The following TIGD2 variants were observed in gnomAD, a reference collection of about 807,000 sequenced individuals.
The protein encoded by TIGD2 is tigger transposable element-derived protein 2.
A neutral mutation model predicts 27.0 loss-of-function variants in TIGD2; 14 were observed. The observed-to-expected ratio is 0.52, with a 90% CI of 0.34 to 0.81. The LOEUF (loss-of-function observed/expected upper bound fraction) is 0.81. Ranked by LOEUF, TIGD2 falls within the 30% of genes least tolerant of loss-of-function variation. TIGD2 has a pLI of 0.01. For synonymous variants in TIGD2, 201 were observed against 209.0 expected, an observed-to-expected ratio of 0.96 and a Z score of 0.33; for missense variants, 590 against 617.3, an observed-to-expected ratio of 0.96 and a Z score of 0.47.
chr4:89,114,285 T>A lies in TIGD2; in HGVS notation c.1311T>A (p.Ser437Arg). 2 of 1,614,102 alleles carry A rather than the reference T, an allele frequency of 1.2e-6. No homozygotes were observed. The highest frequency in any genetic ancestry group is 1.7e-6 in the Non-Finnish European group (2 of 1,180,030). ...NIDQWFDSRS[S>R]DSSCQVLTDS... ...ATCAGTGGTTCGACTCTCGGAGCAG[T>A]GACTCAAGCTGTCAGGTGCTGACTG... The change falls in exon 2 of 2, where the codon AGT becomes AGA. Residue 437 changes from serine to arginine, a missense_variant. By Grantham distance (110) the Ser-to-Arg change is moderately radical. Around this residue, in one of 3 missense-constraint regions of TIGD2, gnomAD observed 451 missense variants for 448.0 expected, o/e 1.01. Transcript: ENST00000603357.
rs1489554344 is a variant in TIGD2, at chr4:89,111,822, C to T, written c.-970C>T. On this transcript the variant is annotated 5_prime_UTR_variant, in exon 1 of 2. Transcript: ENST00000603357. ...AGGAAAGACGTCCCGCGCTCTGAAG[C>T]TCGCCCAGCGGGGAGAGGCCCTCGC... 6.6e-6 allele frequency: 1 copy of T among 152,244 alleles called. No homozygotes were observed. The highest frequency in any genetic ancestry group is 1.5e-5 in the Non-Finnish European group (1 of 68,048). The allele number at this position is 152,244 out of a possible 1,614,324, so 9.4% of individuals were successfully genotyped here.
rs1721174179 is a variant in TIGD2, at chr4:89,114,417, A to C, written c.1443A>C (p.Ala481=). ...AGAAGCATATTAGCCATAAAGCGGC[A>C]CTTGAATGGACTGAAAATTTACTGG... ...NPEKHISHKA[A]LEWTENLLDY... is the part of the protein sequence containing the mutation. Residue 481 remains alanine (A), a synonymous_variant, in exon 2 of 2, where the codon GCA becomes GCC. Coordinates refer to ENST00000603357, the MANE Select transcript of TIGD2 (RefSeq NM_145715.3). The C allele has an allele frequency of 6.2e-7, 1 of 1,614,058 alleles. No homozygotes were observed. The highest frequency in any genetic ancestry group is 1.3e-5 in the African/African-American group (1 of 74,934).
rs1461354037 is a variant in TIGD2, at chr4:89,112,074, A to G, written c.-901A>G. On this transcript the variant is annotated 5_prime_UTR_variant, in exon 2 of 2. Transcript: ENST00000603357. Reference sequence around the variant, plus strand: ...TTTGGTATTTTCCTTTAGGTTTCGGAGCCTCCGAGTATCTCTACAGCCCCC... The same window carrying G: ...TTTGGTATTTTCCTTTAGGTTTCGGGGCCTCCGAGTATCTCTACAGCCCCC... The G allele has an allele frequency of 1.3e-5, 2 of 152,156 alleles. No homozygotes were observed. The highest frequency in any genetic ancestry group is 1.5e-5 in the Non-Finnish European group (1 of 68,042). The allele number at this position is 152,156 out of a possible 1,614,324, so 9.4% of individuals were successfully genotyped here. A position where few individuals can be genotyped will look rare whatever the true frequency, so the allele number is the denominator to read the frequency against.
In TIGD2 at chr4:89,114,513, A is replaced by G; in HGVS notation, c.1539A>G (p.Ile513Met). 1 of 1,589,630 alleles carries G rather than the reference A, an allele frequency of 6.3e-7. No homozygotes were observed. The highest frequency in any genetic ancestry group is 8.6e-7 in the Non-Finnish European group (1 of 1,165,236). ...KLVLRRLRTI[I>M]RKKQKIQNNK... ...TATTAAGGAGGCTTCGGACCATAAT[A>G]AGAAAAAAACAGAAGATCCAAAATA... Residue 513 changes from isoleucine to methionine, a missense_variant, in exon 2 of 2, where the codon ATA becomes ATG. Ile to Met is a conservative substitution (Grantham distance 10). Coordinates refer to ENST00000603357, the MANE Select transcript of TIGD2 (RefSeq NM_145715.3).
At chr4:89,111,366 C>T, upstream of TIGD2, 1 of 341,862 alleles carries the variant, frequency 2.9e-6, no homozygotes, top group Non-Finnish European at 4.1e-6. Context: ...CCGAAACGGC[C>T]AGGCGGTGAG....
In TIGD2 at chr4:89,111,731, T is replaced by C. The variant is rs1721081430; in HGVS notation, c.-1061T>C. On this transcript the variant is annotated 5_prime_UTR_variant, in exon 1 of 2. Transcript: ENST00000603357. ...CTGTGCCAAGCGGCCGCCCGCTGGC[T>C]GGCTGGCTGCAGCAGTGACATCCTG... is the stretch of plus-strand genomic sequence containing the variant. The C allele has an allele frequency of 6.6e-6, 1 of 152,228 alleles. No homozygotes were observed. Among genetic ancestry groups the C allele is most frequent in the Non-Finnish European group, 1.5e-5 (1 of 68,050 alleles). The allele number at this position is 152,228 out of a possible 1,614,324, so 9.4% of individuals were successfully genotyped here.
chr4:89,114,472 C>G lies in TIGD2; in HGVS notation c.1498C>G (p.Leu500Val). 6.2e-7 allele frequency: 1 copy of G among 1,613,506 alleles called. No homozygotes were observed. Among genetic ancestry groups the G allele is most frequent in the Middle Eastern group, 1.6e-4 (1 of 6,062 alleles). Residue 500 changes from leucine to valine, a missense_variant, in exon 2 of 2, where the codon CTG becomes GTG. This residue lies in a region of TIGD2 where 451 missense variants were observed against 448.0 expected (regional missense o/e 1.01). Coordinates refer to ENST00000603357, the MANE Select transcript of TIGD2 (RefSeq NM_145715.3). The part of the protein sequence containing the change: ...DYLEQQDDML[L>V]SDKLVLRRLR... ...TCTTGAACAACAAGATGACATGCTT[C>G]TGTCTGATAAATTGGTATTAAGGAG...
rs1721074121 is a variant in TIGD2, at chr4:89,111,632, T to A, written c.-1160T>A. On this transcript the variant is annotated 5_prime_UTR_variant, in exon 1 of 2. Transcript: ENST00000603357. ...TGCCAGCCTGCCTCAGGAGACTCCA[T>A]TTGCGCTTAGTGTGGTCTGGGCGCC... 1.3e-5 allele frequency: 2 copies of A among 152,038 alleles called. No homozygotes were observed. The highest frequency in any genetic ancestry group is 2.4e-5 in the African/African-American group (1 of 41,424). The allele number at this position is 152,038 out of a possible 1,614,324, so 9.4% of individuals were successfully genotyped here. A position where few individuals can be genotyped will look rare whatever the true frequency, so the allele number is the denominator to read the frequency against.
Position 89,113,697 on chromosome 4 carries a change from C to T in TIGD2, c.723C>T (p.Asp241=), listed in dbSNP as rs1561079972. Residue 241 remains aspartate, a synonymous_variant, in exon 2 of 2, where the codon GAC becomes GAT. Transcript: ENST00000603357. ...AKKPRAFKGT[D]LSNLPVTYYS... ...AGCCCCGAGCATTCAAAGGCACTGA[C>T]CTTTCAAACCTTCCTGTGACATATT... The T allele has an allele frequency of 1.2e-6, 2 of 1,614,182 alleles. No individual in the cohort carries two copies. Among genetic ancestry groups the T allele is most frequent in the Non-Finnish European group, 1.7e-6 (2 of 1,180,030 alleles).
At position 89,113,771 on chromosome 4, in the gene TIGD2, T is replaced by A; in HGVS notation, c.797T>A (p.Phe266Tyr). The change falls in exon 2 of 2, where the codon TTT becomes TAT. Residue 266 changes from phenylalanine to tyrosine, a missense_variant. Phe to Tyr is a conservative substitution (Grantham distance 22). Transcript: ENST00000603357. The stretch of plus-strand genomic sequence containing the variant: ...GAACAGTCTGTTTTCAGACAGTGGT[T>A]TGAAAAGTACTTTGTGCCACAGGTA... Reference protein sequence around the residue: ...WIEQSVFRQWFEKYFVPQVQK... With the variant: ...WIEQSVFRQWYEKYFVPQVQK... The A allele has an allele frequency of 6.2e-7, 1 of 1,614,218 alleles. No individual in the cohort carries two copies. The highest frequency in any genetic ancestry group is 8.5e-7 in the Non-Finnish European group (1 of 1,180,048).
At chr4:89,111,360 A>C, upstream of TIGD2, 3 of 373,362 alleles carry the variant, frequency 8.0e-6, no homozygotes, top group Non-Finnish European at 1.1e-5. Context: ...GCGGCCCCGA[A>C]ACGGCCAGGC....
At position 89,113,380 on chromosome 4, in the gene TIGD2, C is replaced by T. The variant is rs1426196442; in HGVS notation, c.406C>T (p.Pro136Ser). ...LTRFKQRHGI[P>S]KAAGKGTKLK... ...TCGATTTAAGCAGCGCCATGGTATT[C>T]CAAAGGCTGCTGGTAAAGGAACAAA... The change falls in exon 2 of 2, where the codon CCA becomes TCA. Residue 136 changes from proline to serine, a missense_variant. Physicochemically the swap from Pro to Ser is moderately conservative, Grantham distance 74 (BLOSUM62 -1). Coordinates refer to ENST00000603357, the MANE Select transcript of TIGD2 (RefSeq NM_145715.3). 1.2e-6 allele frequency: 2 copies of T among 1,614,090 alleles called. No homozygotes were observed. The highest frequency in any genetic ancestry group is 1.7e-6 in the Non-Finnish European group (2 of 1,180,020).
chr4:89,111,464 T>G (rs1015244376), upstream of TIGD2: 1 of 152,432 alleles, frequency 6.6e-6, no homozygotes, highest in Admixed American at 6.6e-5. Flanking sequence ...CCGGGCCGCG[T>G]GCGCTCACCC....
chr4:89,114,153 A>G lies in TIGD2; in HGVS notation c.1179A>G (p.Glu393=). Residue 393 remains glutamate (E), a synonymous_variant, in exon 2 of 2, where the codon GAA becomes GAG. Coordinates refer to ENST00000603357, the MANE Select transcript of TIGD2 (RefSeq NM_145715.3). The stretch of plus-strand genomic sequence containing the variant: ...GGAAAAAACTTTTCCCTGGCAATGA[A>G]GAGAATTCAGGTATGAACATTGATG... ...KAWKKLFPGN[E]ENSGMNIDEG... is the part of the protein sequence containing the mutation. 4 of 1,614,140 alleles carry G rather than the reference A, an allele frequency of 2.5e-6. No homozygotes were observed. The highest frequency in any genetic ancestry group is 3.4e-6 in the Non-Finnish European group (4 of 1,179,996).
In TIGD2 at chr4:89,112,080, C is replaced by G. The variant is rs182002072; in HGVS notation, c.-895C>G. On this transcript the variant is annotated 5_prime_UTR_variant, in exon 2 of 2. Coordinates refer to ENST00000603357, the MANE Select transcript of TIGD2 (RefSeq NM_145715.3). The stretch of plus-strand genomic sequence containing the variant: ...ATTTTCCTTTAGGTTTCGGAGCCTC[C>G]GAGTATCTCTACAGCCCCCACAGGA... 3 of 152,282 alleles carry G rather than the reference C, an allele frequency of 2.0e-5. No individual in the cohort carries two copies. The East Asian group carries it at 5.8e-4, about 29-fold the overall frequency. 9.4% of individuals were successfully genotyped at this position (152,282 alleles called of 1,614,324 possible).
chr4:89,111,192 G>A, upstream of TIGD2: 5 of 985,506 alleles, frequency 5.1e-6, no homozygotes, highest in Non-Finnish European at 6.0e-6. Context: ...CCCGCTCCCG[G>A]CACGCGAGGA....
Position 89,114,301 on chromosome 4 carries a change from G to A in TIGD2, c.1327G>A (p.Val443Met). The A allele has an allele frequency of 1.2e-6, 2 of 1,614,084 alleles. No homozygotes were observed. The highest frequency in any genetic ancestry group is 1.7e-6 in the Non-Finnish European group (2 of 1,180,026). The change falls in exon 2 of 2, where the codon GTG becomes ATG. Residue 443 changes from valine to methionine, a missense_variant. By Grantham distance (21) the Val-to-Met change is conservative (BLOSUM62 1). Coordinates refer to ENST00000603357, the MANE Select transcript of TIGD2 (RefSeq NM_145715.3). Reference sequence around the variant, plus strand: ...TCGGAGCAGTGACTCAAGCTGTCAGGTGCTGACTGACAGTGAAAGTGCTGA... The same window carrying A: ...TCGGAGCAGTGACTCAAGCTGTCAGATGCTGACTGACAGTGAAAGTGCTGA... ...DSRSSDSSCQ[V>M]LTDSESAEDQ...
At position 89,114,205 on chromosome 4, in the gene TIGD2, G is replaced by A. The variant is rs779910205; in HGVS notation, c.1231G>A (p.Ala411Thr). Residue 411 changes from alanine to threonine, a missense_variant, in exon 2 of 2, where the codon GCA (alanine) becomes ACA (threonine). Coordinates refer to ENST00000603357, the MANE Select transcript of TIGD2 (RefSeq NM_145715.3). The part of the protein sequence containing the change: ...DEGAILAANL[A>T]TVLQNTEECE... ...AGGAGCCATTTTAGCAGCTAATTTA[G>A]CAACAGTTTTACAGAACACAGAAGA... 6.2e-7 allele frequency: 1 copy of A among 1,614,188 alleles called. No homozygotes were observed. The highest frequency in any genetic ancestry group is 8.5e-7 in the Non-Finnish European group (1 of 1,180,032).
In TIGD2 at chr4:89,113,594, A is replaced by G; in HGVS notation, c.620A>G (p.Glu207Gly). Residue 207 changes from glutamate (E) to glycine (G), a missense_variant, in exon 2 of 2, where the codon GAG (glutamate) becomes GGG (glycine). Physicochemically the swap from Glu to Gly is moderately conservative, Grantham distance 98 (BLOSUM62 -2). Coordinates refer to ENST00000603357, the MANE Select transcript of TIGD2 (RefSeq NM_145715.3). ...QSTSGCRSSR[E>G]RIIIMCCANA... ...ACTTCTGGGTGTAGGTCAAGCAGAG[A>G]GAGAATCATCATTATGTGTTGCGCA... 1 of 1,613,890 alleles carries G rather than the reference A, an allele frequency of 6.2e-7. No homozygotes were observed. Among genetic ancestry groups the G allele is most frequent in the Non-Finnish European group, 8.5e-7 (1 of 1,179,962 alleles).
Sources: gnomAD v4.1 joint callset for allele counts on GRCh38, gnomAD v4.1.1 for gene constraint, gnomAD v4.1.1 regional missense constraint, MANE v1.5 for transcripts, NCBI Gene and HGNC (gene_info 2026-07-23, HGNC 2026-07-21) for gene names.